FCRL4: variants seen among roughly 807,000 people sequenced by gnomAD.
FCRL4 encodes the protein Fc receptor-like protein 4.
In FCRL4, 43 loss-of-function variants were observed where a neutral mutation model predicts 64.1. The ratio of observed to expected loss-of-function variants is 0.67; its 90% CI spans 0.53 to 0.87. FCRL4 has a LOEUF of 0.87. Among genes scored for constraint, FCRL4 ranks in the 40% least tolerant of loss-of-function variants. The pLI, the probability that FCRL4 is intolerant of heterozygous loss-of-function variation, is 0.00. For synonymous variants in FCRL4, 253 were observed against 239.8 expected, an observed-to-expected ratio of 1.05 and a Z score of -0.51; for missense variants, 656 against 613.5, an observed-to-expected ratio of 1.07 and a Z score of -0.73.
At chr1:157,586,112 C>G in intron 6 of FCRL4, 56 bp downstream of exon 6, 1 of 1,521,638 alleles carries the variant, frequency 6.6e-7, no homozygotes, top group Non-Finnish European at 8.9e-7. Context: ...TATCCCCACC[C>G]TTAATTTGAG....
intron 2 of FCRL4, among the ~76,000 whole-genome samples, chr1:157,592,278 G>A (rs561666491): frequency 6.6e-6 from 1 of 152,196 alleles, no homozygotes; most frequent in African/African-American, 2.4e-5. Flanking sequence ...CTTCTGCACA[G>A]CAAAAGAAAT....
intron 2 of FCRL4, among the ~76,000 whole-genome samples, chr1:157,591,531 T>G (rs12569303): frequency 0.048 from 7,358 of 152,120 alleles, 471 homozygotes; most frequent in African/African-American, 0.15. Context: ...TTACTGACAA[T>G]AAATATATAT....
intron 9 of FCRL4, 28 bp from the exon 10 acceptor site, chr1:157,578,570 G>C (rs1228790224): frequency 1.9e-6 from 3 of 1,587,876 alleles, no homozygotes; most frequent in African/African-American, 1.3e-5. Context: ...TTTCAAGGCT[G>C]TTCCTGTTAG....
chr1:157,582,093 G>A (rs1461125266), intron 6 of FCRL4, among the ~76,000 whole-genome samples: 1 of 152,192 alleles, frequency 6.6e-6, no homozygotes, highest in Non-Finnish European at 1.5e-5. Flanking sequence ...GGGACACCAC[G>A]ATGAAATGGC....
chr1:157,593,017 G>T (rs1460628502), intron 2 of FCRL4, among the ~76,000 whole-genome samples: 1 of 152,252 alleles, frequency 6.6e-6, no homozygotes, highest in South Asian at 2.1e-4. Flanking sequence ...GTTCTCACTT[G>T]TAGGTGGGAA....
At chr1:157,589,769 A>G (rs1281779432) in intron 2 of FCRL4, among the ~76,000 whole-genome samples, 1 of 152,204 alleles carries the variant, frequency 6.6e-6, no homozygotes, top group African/African-American at 2.4e-5. Context: ...TCAGGTAGAT[A>G]GTTGGAAATT....
At chr1:157,585,336 T>TTCTC (rs751051677) in intron 6 of FCRL4, among the ~76,000 whole-genome samples, 4,757 of 129,224 alleles carry the variant, frequency 0.037, 281 homozygotes, top group East Asian at 0.051. Flanking sequence ...CTCTCTTTCT[T>TTCTC]TCTCTCTCTC....
intron 6 of FCRL4, among the ~76,000 whole-genome samples, chr1:157,583,322 C>A (rs1652603137): frequency 6.6e-6 from 1 of 152,144 alleles, no homozygotes; most frequent in Admixed American, 6.5e-5. Flanking sequence ...TTAGAGGACA[C>A]CTCCATAGGT....
chr1:157,597,575 T>G (rs2758672), intron 1 of FCRL4, among the ~76,000 whole-genome samples: 100,849 of 152,104 alleles, frequency 0.66, 35,013 homozygotes, highest in East Asian at 0.9. Flanking sequence ...CCTTCACAAA[T>G]AACTCAGTCC....
At chr1:157,588,743 T>G (rs1253973726) in intron 3 of FCRL4, among the ~76,000 whole-genome samples, 1 of 152,196 alleles carries the variant, frequency 6.6e-6, no homozygotes, top group Non-Finnish European at 1.5e-5. Flanking sequence ...GGAGGAGCTG[T>G]GGGAGCTTGA....
At chr1:157,586,109 A>C in intron 6 of FCRL4, 59 bp downstream of exon 6, 1 of 1,505,760 alleles carries the variant, frequency 6.6e-7, no homozygotes, top group Non-Finnish European at 9.0e-7. Flanking sequence ...AGCTATCCCC[A>C]CCCTTAATTT....
chr1:157,594,878 A>G (rs79994410), intron 2 of FCRL4, among the ~76,000 whole-genome samples: 6,408 of 152,232 alleles, frequency 0.042, 343 homozygotes, highest in African/African-American at 0.12. Context: ...GTAAGGTGAA[A>G]CATCTCTGTG....
rs1214822489 is a variant in FCRL4 at position 157,589,240 on chromosome 1, G to T, written c.271C>A (p.Pro91Thr). Residue 91 changes from proline to threonine, a missense_variant, in exon 3 of 12, where the codon CCA becomes ACA. By Grantham distance (38) the Pro-to-Thr change is conservative. Coordinates refer to ENST00000271532, the MANE Select transcript of FCRL4 (RefSeq NM_031282.3). ...AGCAAGCGCACAGGGTTACTTCGTG[G>T]GGAGCCCCGGGCCTGGCATCTGTAC... The part of the protein sequence containing the change: ...GLYRCQARGS[P>T]RSNPVRLLFS... 1 of 1,614,142 alleles carries T rather than the reference G, an allele frequency of 6.2e-7. No individual in the cohort carries two copies. Among genetic ancestry groups the T allele is most frequent in the Non-Finnish European group, 8.5e-7 (1 of 1,180,018 alleles).
At chr1:157,582,541 A>G (rs1489886807) in intron 6 of FCRL4, among the ~76,000 whole-genome samples, 2 of 152,226 alleles carry the variant, frequency 1.3e-5, no homozygotes, top group Non-Finnish European at 2.9e-5. Context: ...GGTAAACCAA[A>G]TTCAGACCTC....
chr1:157,588,759 A>G (rs1652765855), intron 3 of FCRL4, among the ~76,000 whole-genome samples: 1 of 152,210 alleles, frequency 6.6e-6, no homozygotes, highest in South Asian at 2.1e-4. Context: ...CTTGATGCCA[A>G]TCAGAGGGAA....
intron 2 of FCRL4, among the ~76,000 whole-genome samples, chr1:157,593,001 C>T (rs150835904): frequency 2.7e-4 from 41 of 152,282 alleles, no homozygotes; most frequent in Admixed American, 1.7e-3. Context: ...AAACCAAACA[C>T]CGCATGTTCT....
intron 10 of FCRL4, 112 bp from the exon 11 acceptor site, chr1:157,575,842 C>A: frequency 1.1e-6 from 1 of 919,510 alleles, no homozygotes; most frequent in Non-Finnish European, 1.8e-6. Flanking sequence ...CCACCTCATC[C>A]CCTCCACCTC....
rs767798111 is a variant in FCRL4, at chr1:157,589,237, G to T, written c.274C>A (p.Arg92=). The change falls in exon 3 of 12, where the codon CGA becomes AGA. Residue 92 remains arginine, a synonymous_variant. Transcript: ENST00000271532. ...LYRCQARGSP[R]SNPVRLLFSS... ...AAGAGCAAGCGCACAGGGTTACTTC[G>T]TGGGGAGCCCCGGGCCTGGCATCTG... 2 of 1,614,034 alleles carry T rather than the reference G, an allele frequency of 1.2e-6. No homozygotes were observed. The highest frequency in any genetic ancestry group is 2.2e-5 in the East Asian group (1 of 44,892).
At position 157,578,784 on chromosome 1, in the gene FCRL4, G is replaced by C. The variant is rs777588327; in HGVS notation, c.1346C>G (p.Ser449Trp). Residue 449 changes from serine to tryptophan, a missense_variant, in exon 9 of 12, where the codon TCG (serine) becomes TGG (tryptophan). Ser to Trp is a radical substitution (Grantham distance 177). Coordinates refer to ENST00000271532, the MANE Select transcript of FCRL4 (RefSeq NM_031282.3). ...GGAATCCTCACCATCAACATACAAC[G>C]ACTGAAGCTCCACCTGGGCAGGGCA... ...SICPAQVELQSLYVDVHPKKG... is the reference protein window; with the variant it reads ...SICPAQVELQWLYVDVHPKKG... The C allele has an allele frequency of 2.5e-6, 4 of 1,613,882 alleles. No homozygotes were observed. Among genetic ancestry groups the C allele is most frequent in the East Asian group, 2.2e-5 (1 of 44,858 alleles).
Sources: allele counts gnomAD v4.1 joint callset (sites outside exome capture counted in the v4.1 genomes callset), GRCh38; gene constraint gnomAD v4.1.1; transcripts MANE v1.5; gene names NCBI Gene and HGNC (gene_info 2026-07-23, HGNC 2026-07-21).